Variants in TMEM131 observed in about 807,000 individuals in gnomAD.
TMEM131 encodes the protein 2610524E03Rik.
A neutral mutation model predicts 211.6 loss-of-function variants in TMEM131; 66 were observed. The observed-to-expected ratio is 0.31, with a 90% CI of 0.26 to 0.38. The LOEUF is 0.38. TMEM131 is among the 10% of genes least tolerant of loss of function. The pLI is 1.00. For missense variants in TMEM131, 2,036 were observed against 2,299.3 expected (o/e 0.89, Z 2.34); for synonymous variants, 844 against 841.3 (o/e 1.00, Z -0.06).
chr2:97,909,772 T>C (rs141765087), intron 2 of TMEM131, among the ~76,000 whole-genome samples: 20 of 152,272 alleles, frequency 1.3e-4, no homozygotes, highest in African/African-American at 4.8e-4. Flanking sequence ...TAATTTTCTT[T>C]GAGATGTCTT....
intron 1 of TMEM131, among the ~76,000 whole-genome samples, chr2:97,941,016 G>A (rs1404458984): frequency 2.6e-5 from 4 of 152,050 alleles, no homozygotes; most frequent in South Asian, 2.1e-4. Context: ...ACATTGCCAA[G>A]ACAATCCTAA....
chr2:97,943,037 A>AAAAGG, intron 1 of TMEM131, among the ~76,000 whole-genome samples: 1 of 66,058 alleles, frequency 1.5e-5, no homozygotes, highest in East Asian at 3.7e-4. Flanking sequence ...AAAAGAAAAG[A>AAAAGG]AAAGAAAGAA....
At position 97,801,931 on chromosome 2, in the gene TMEM131, A is replaced by G. The variant is rs1476355662; in HGVS notation, c.2682T>C (p.Asp894=). Residue 894 remains aspartate, a synonymous_variant, in exon 25 of 41, where the codon GAT becomes GAC. Transcript: ENST00000186436. ...RFNLSKVAKI[D]LRTLEFQVFR... ...AGACTTGAAATTCTAGTGTTCTCAA[A>G]TCTATCTTTGCCACCTTACTCAAGT... 1 of 1,608,488 alleles carries G rather than the reference A, an allele frequency of 6.2e-7. No homozygotes were observed. The highest frequency in any genetic ancestry group is 2.2e-5 in the East Asian group (1 of 44,468).
intron 5 of TMEM131, among the ~76,000 whole-genome samples, chr2:97,859,068 G>A (rs555827118): frequency 1.8e-4 from 28 of 152,328 alleles, no homozygotes; most frequent in African/African-American, 6.7e-4. Context: ...CTGAATGTAA[G>A]AATGCTACCT....
intron 22 of TMEM131, 84 bp from the exon 23 acceptor site, chr2:97,802,874 C>A: frequency 8.0e-7 from 1 of 1,242,318 alleles, no homozygotes; most frequent in Non-Finnish European, 1.1e-6. Flanking sequence ...GGCTTATGTA[C>A]TTGAGAAATT....
At chr2:97,786,528 CCCAAAAA>C (rs963529101) in intron 31 of TMEM131, among the ~76,000 whole-genome samples, 55 of 152,272 alleles carry the variant, frequency 3.6e-4, no homozygotes, top group African/African-American at 1.3e-3. Context: ...TAACAAAACT[CCCAAAAA>C]CCAAAAACCA....
At chr2:97,914,377 A>G (rs541296821) in intron 2 of TMEM131, among the ~76,000 whole-genome samples, 1 of 152,310 alleles carries the variant, frequency 6.6e-6, no homozygotes, top group Admixed American at 6.5e-5. Flanking sequence ...CTTGTTCAGA[A>G]GGTCTCAGTT....
At chr2:97,920,970 AGTGTGTGTGTGTGTGT>A (rs57343769) in intron 2 of TMEM131, among the ~76,000 whole-genome samples, 11 of 146,720 alleles carry the variant, frequency 7.5e-5, no homozygotes, top group Non-Finnish European at 1.4e-4. Flanking sequence ...AAAAATCCCG[AGTGTGTGTGTGTGTGT>A]GTGTGTGTGT....
intron 31 of TMEM131, among the ~76,000 whole-genome samples, chr2:97,776,764 G>C (rs1445925795): frequency 1.3e-5 from 2 of 152,228 alleles, no homozygotes; most frequent in East Asian, 3.8e-4. Flanking sequence ...CTTCCCTTTA[G>C]GGGCGCTAAG....
chr2:97,963,462 C>T (rs1359625101), intron 1 of TMEM131, among the ~76,000 whole-genome samples: 1 of 152,082 alleles, frequency 6.6e-6, no homozygotes, highest in Non-Finnish European at 1.5e-5. Flanking sequence ...TGCCTGTAAT[C>T]CCAGAATTTT....
At position 97,793,450 on chromosome 2, in the gene TMEM131, C is replaced by T. The variant is rs768383002; in HGVS notation, c.3490G>A (p.Asp1164Asn). 31 of 1,613,968 alleles carry T rather than the reference C, an allele frequency of 1.9e-5. No homozygotes were observed. The South Asian group carries it at 2.0e-4, about 10-fold the overall frequency. ...LSFEASNPPF[D>N]VGRPFDLRRI... Reference sequence around the variant, plus strand: ...CTGAGATCAAATGGCCTTCCCACATCGAAGGGCGGGTTCGAGGCCTCAAAG... The same window carrying T: ...CTGAGATCAAATGGCCTTCCCACATTGAAGGGCGGGTTCGAGGCCTCAAAG... The change falls in exon 30 of 41, where the codon GAT becomes AAT. Residue 1164 changes from aspartate to asparagine, a missense_variant. By Grantham distance (23) the Asp-to-Asn change is conservative (BLOSUM62 1). Coordinates refer to ENST00000186436, the MANE Select transcript of TMEM131 (RefSeq NM_015348.2).
At chr2:97,944,408 T>C in intron 1 of TMEM131, among the ~76,000 whole-genome samples, 1 of 152,208 alleles carries the variant, frequency 6.6e-6, no homozygotes, top group East Asian at 1.9e-4. Flanking sequence ...CTTCATAACC[T>C]CTGATGAGGC....
intron 11 of TMEM131, among the ~76,000 whole-genome samples, chr2:97,827,086 AAAAAATT>A (rs1476171708): frequency 6.6e-6 from 1 of 152,090 alleles, no homozygotes; most frequent in Admixed American, 6.5e-5. Flanking sequence ...AAAAAAAAAA[AAAAAATT>A]TTAAAATCCC....
rs540555934 is a variant in TMEM131 at position 97,968,757 on chromosome 2, A to C, written c.187+26719T>G. Among the ~76,000 whole-genome samples the C allele has an allele frequency of 1.6e-4, 25 of 152,204 alleles. 1 individual carries two copies. Among genetic ancestry groups the C allele is most frequent in the Non-Finnish European group, 3.2e-4 (22 of 67,998 alleles). ...ACTCCTTCCCCAACTTCTCATTTGA[A>C]CCAGTTTGCTAAGGCACATCCTTCC... On this transcript the variant is annotated intron_variant, in intron 1 of 40. Coordinates refer to ENST00000186436, the MANE Select transcript of TMEM131 (RefSeq NM_015348.2).
chr2:97,766,341 A>T, intron 34 of TMEM131, 78 bp from the exon 35 acceptor site: 1 of 1,603,054 alleles, frequency 6.2e-7, no homozygotes, highest in Non-Finnish European at 8.5e-7. Flanking sequence ...GAACCTTCTA[A>T]TGAGGACAAG....
Position 97,762,088 on chromosome 2 carries a change from G to C in TMEM131, c.4836C>G (p.Cys1612Trp). The part of the protein sequence containing the change: ...PASPSPPAAP[C>W]PFVARGSYSS... ...TGTAGCTGCCCCGGGCCACAAAGGG[G>C]CAGGGGGCAGCTGGGGGAGACGGGG... The change falls in exon 36 of 41, where the codon TGC (cysteine) becomes TGG (tryptophan). Residue 1612 changes from cysteine (C) to tryptophan (W), a missense_variant. Transcript: ENST00000186436. The C allele has an allele frequency of 6.2e-7, 1 of 1,610,594 alleles. No individual in the cohort carries two copies. The highest frequency in any genetic ancestry group is 8.5e-7 in the Non-Finnish European group (1 of 1,178,362).
Position 97,759,072 on chromosome 2 carries a change from T to G in TMEM131, c.5207-19A>C. 1 of 1,613,918 alleles carries G rather than the reference T, an allele frequency of 6.2e-7. No homozygotes were observed. Among genetic ancestry groups the G allele is most frequent in the East Asian group, 2.2e-5 (1 of 44,876 alleles). On this transcript the variant is annotated intron_variant, in intron 39 of 40. Transcript: ENST00000186436. ...AAAACTTCTGGAAATAAAGCAACAG[T>G]CATCAAGTCCATATTTGGTTTTGCC...
intron 1 of TMEM131, among the ~76,000 whole-genome samples, chr2:97,975,407 A>C (rs866814296): frequency 5.3e-5 from 8 of 152,140 alleles, no homozygotes; most frequent in African/African-American, 1.7e-4. Flanking sequence ...ACGACAGAAA[A>C]CACAAATTAT....
intron 3 of TMEM131, 55 bp from the exon 4 acceptor site, chr2:97,888,175 C>A: frequency 2.7e-6 from 4 of 1,465,060 alleles, no homozygotes; most frequent in Non-Finnish European, 3.8e-6. Context: ...ATATGTTTCC[C>A]CAAACTCTAT....
Sources: allele counts gnomAD v4.1 joint callset (sites outside exome capture counted in the v4.1 genomes callset), GRCh38; gene constraint gnomAD v4.1.1; transcripts MANE v1.5; gene names NCBI Gene and HGNC (gene_info 2026-07-23, HGNC 2026-07-21).